The following FLI1 variants were observed in gnomAD, a reference collection of about 807,000 sequenced individuals.
FLI1 encodes the protein Friend leukemia integration 1 transcription factor.
Under a neutral mutation model 53.1 loss-of-function variants are expected in FLI1, and 13 were observed. That is an observed-to-expected ratio of 0.24 (90% confidence interval 0.16 to 0.39). The LOEUF is 0.39. FLI1 is among the 10% of genes least tolerant of loss of function. FLI1 has a pLI of 1.00. For missense variants in FLI1, 424 were observed against 600.5 expected (o/e 0.71, Z 3.07); for synonymous variants, 244 against 236.7 (o/e 1.03, Z -0.28).
At chr11:128,763,528 G>A (rs1941208038) in intron 2 of FLI1, among the ~76,000 whole-genome samples, 1 of 152,244 alleles carries the variant, frequency 6.6e-6, no homozygotes. Flanking sequence ...GACTTGCCTT[G>A]TGAGCCTGGT....
intron 5 of FLI1, among the ~76,000 whole-genome samples, chr11:128,803,363 C>T (rs1942689130): frequency 6.6e-6 from 1 of 152,182 alleles, no homozygotes; most frequent in South Asian, 2.1e-4. Flanking sequence ...AGACCTTGAA[C>T]ATGCCTCGGC....
At chr11:128,792,992 C>G (rs1942322115) in intron 5 of FLI1, among the ~76,000 whole-genome samples, 1 of 151,794 alleles carries the variant, frequency 6.6e-6, no homozygotes, top group African/African-American at 2.4e-5. Flanking sequence ...GTGGTGTGTT[C>G]CTATAGTCCC....
At chr11:128,783,193 C>G (rs1941975551) in intron 5 of FLI1, among the ~76,000 whole-genome samples, 1 of 152,166 alleles carries the variant, frequency 6.6e-6, no homozygotes, top group Non-Finnish European at 1.5e-5. Context: ...CACTGCAAAA[C>G]CTTTCAGAGA....
rs1159684874 is a variant in FLI1, at chr11:128,764,805, G to A, written c.231-3313G>A. 1.9e-6 allele frequency: 3 copies of A among 1,593,582 alleles called. No homozygotes were observed. The East Asian group carries it at 6.7e-5, about 36-fold the overall frequency. ...AGCTGCAAGAATGGAGGGAGGACTGGCAGGCGAGCGGGCGAGGTATGGCTT... is the reference window on the plus strand; with the variant it reads ...AGCTGCAAGAATGGAGGGAGGACTGACAGGCGAGCGGGCGAGGTATGGCTT... On this transcript the variant is annotated intron_variant, in intron 2 of 8. Transcript: ENST00000527786.
At chr11:128,766,003 C>T (rs1034102696) in intron 2 of FLI1, among the ~76,000 whole-genome samples, 16 of 152,294 alleles carry the variant, frequency 1.1e-4, no homozygotes, top group Middle Eastern at 3.4e-3. Flanking sequence ...TGGGAGTAAG[C>T]ATATGTGTGC....
chr11:128,753,145 C>T (rs4545573), intron 1 of FLI1, among the ~76,000 whole-genome samples: 31 of 152,276 alleles, frequency 2.0e-4, no homozygotes, highest in African/African-American at 7.5e-4. Context: ...GGCTCTGGAC[C>T]CACAGACCCA....
At chr11:128,752,342 A>G (rs892794913) in intron 1 of FLI1, among the ~76,000 whole-genome samples, 6 of 152,174 alleles carry the variant, frequency 3.9e-5, no homozygotes, top group African/African-American at 1.4e-4. Flanking sequence ...TACTCATATT[A>G]TCTCATTTTA....
intron 1 of FLI1, among the ~76,000 whole-genome samples, chr11:128,741,733 G>C (rs653835): frequency 0.63 from 96,059 of 151,746 alleles, 30,589 homozygotes; most frequent in African/African-American, 0.71. Flanking sequence ...CCCTCCCCCC[G>C]ATTCCTGCTC....
chr11:128,723,321 C>T (rs2135739494), intron 1 of FLI1, among the ~76,000 whole-genome samples: 1 of 152,210 alleles, frequency 6.6e-6, no homozygotes, highest in East Asian at 1.9e-4. Flanking sequence ...GGCTTGGACT[C>T]ATGTAGGAGG....
intron 1 of FLI1, among the ~76,000 whole-genome samples, chr11:128,715,385 T>A (rs1031861978): frequency 5.3e-5 from 8 of 152,212 alleles, no homozygotes; most frequent in African/African-American, 1.9e-4. Context: ...AACAAAAATT[T>A]ATTCTCAAAC....
chr11:128,762,116 C>A (rs896576954), intron 2 of FLI1, among the ~76,000 whole-genome samples: 3 of 152,162 alleles, frequency 2.0e-5, no homozygotes, highest in Non-Finnish European at 2.9e-5. Context: ...CCATGTCAGA[C>A]CCTATCATTT....
At chr11:128,698,733 T>TGTGTGTGTGA (rs766077047) in intron 1 of FLI1, among the ~76,000 whole-genome samples, 4,839 of 133,714 alleles carry the variant, frequency 0.036, 175 homozygotes, top group African/African-American at 0.092. Flanking sequence ...TGTGTGTGTG[T>TGTGTGTGTGA]GAGAGAGAGA....
intron 5 of FLI1, among the ~76,000 whole-genome samples, chr11:128,801,727 A>G (rs1258374415): frequency 6.6e-6 from 1 of 152,232 alleles, no homozygotes; most frequent in Non-Finnish European, 1.5e-5. Context: ...AATTGTGTGT[A>G]TGTAGCAAGT....
intron 2 of FLI1, among the ~76,000 whole-genome samples, chr11:128,758,836 T>C (rs537417964): frequency 3.3e-5 from 5 of 152,116 alleles, no homozygotes; most frequent in African/African-American, 1.2e-4. Flanking sequence ...AAGGCGTGCA[T>C]GAAGTGGGTA....
chr11:128,807,463 T>A (rs1462378735), intron 7 of FLI1, among the ~76,000 whole-genome samples: 1 of 152,200 alleles, frequency 6.6e-6, no homozygotes, highest in Non-Finnish European at 1.5e-5. Context: ...GAAGATGAAC[T>A]ATTCCAATGC....
At chr11:128,786,885 G>A (rs1288683091) in intron 5 of FLI1, among the ~76,000 whole-genome samples, 3 of 152,148 alleles carry the variant, frequency 2.0e-5, no homozygotes, top group Admixed American at 6.5e-5. Flanking sequence ...CTCATCAACC[G>A]GCCAAGGGCC....
Position 128,741,214 on chromosome 11 carries a change from C to T in FLI1, c.19-16901C>T, listed in dbSNP as rs538167547. 1.3e-3 allele frequency among the ~76,000 whole-genome samples: 203 copies of T among 152,128 alleles called. 1 individual carries two copies. Among genetic ancestry groups the T allele is most frequent in the South Asian group, 6.2e-3 (30 of 4,822 alleles). ...TTGGAGACCAGGCTGGCAAACATAA[C>T]GAAACCCTGTCTCTACTAAAATACA... On this transcript the variant is annotated intron_variant, in intron 1 of 8. Coordinates refer to ENST00000527786, the MANE Select transcript of FLI1 (RefSeq NM_002017.5).
intron 1 of FLI1, among the ~76,000 whole-genome samples, chr11:128,729,284 C>T (rs772076876): frequency 3.3e-5 from 5 of 152,304 alleles, no homozygotes; most frequent in Middle Eastern, 6.8e-3. Flanking sequence ...ATTTCAAGTG[C>T]CCTGATTTAT....
rs35044982 is a variant in FLI1, at chr11:128,768,321, T to TG, written c.385+56dup. 3.5e-3 allele frequency: 5,533 copies of TG among 1,598,584 alleles called. 54 individuals are homozygous for TG. The highest frequency in any genetic ancestry group is 0.034 in the African/African-American group (2,533 of 74,514). On this transcript the variant is annotated intron_variant, in intron 3 of 8. Coordinates refer to ENST00000527786, the MANE Select transcript of FLI1 (RefSeq NM_002017.5). ...GGGCGCCATTCACTTCCCCACTCTC[T>TG]GGGGGGGCAGGGAGCATCTAAACCT...
Sources: allele counts gnomAD v4.1 joint callset (sites outside exome capture counted in the v4.1 genomes callset), GRCh38; gene constraint gnomAD v4.1.1; transcripts MANE v1.5; gene names NCBI Gene and HGNC (gene_info 2026-07-23, HGNC 2026-07-21).